Variants in HEATR5B observed in about 807,000 individuals in gnomAD.
HEATR5B encodes the protein HEAT repeat containing 5B.
A neutral mutation model predicts 224.1 loss-of-function variants in HEATR5B; 156 were observed. The observed-to-expected ratio is 0.70, with a 90% confidence interval of 0.61 to 0.80. The LOEUF is 0.80. HEATR5B is among the 30% of genes least tolerant of loss of function. The pLI is 0.00. For missense variants in HEATR5B, 2,323 were observed against 2,535.5 expected (o/e 0.92, Z 1.80); for synonymous variants, 1,027 against 893.0 (o/e 1.15, Z -2.68).
intron 20 of HEATR5B, 113 bp from the exon 21 acceptor site, chr2:37,038,137 G>GTT: frequency 1.3e-6 from 1 of 755,062 alleles, no homozygotes; most frequent in South Asian, 3.8e-5. Flanking sequence ...TATTATTCAG[G>GTT]TTTTTTTTGC....
chr2:36,986,649 G>A (rs1048044040), intron 35 of HEATR5B, among the ~76,000 whole-genome samples: 3 of 151,942 alleles, frequency 2.0e-5, no homozygotes, highest in Non-Finnish European at 2.9e-5. Flanking sequence ...ATGGAGTCTC[G>A]CTCTGTCACC....
chr2:37,080,042 A>G (rs1672459539), intron 2 of HEATR5B, among the ~76,000 whole-genome samples: 1 of 152,210 alleles, frequency 6.6e-6, no homozygotes, highest in Admixed American at 6.5e-5. Context: ...TGAGCCATGC[A>G]GATACCCAGG....
Position 37,019,831 on chromosome 2 carries a change from T to C in HEATR5B, c.4082A>G (p.Asp1361Gly). 2 of 1,610,166 alleles carry C rather than the reference T, an allele frequency of 1.2e-6. No homozygotes were observed. The highest frequency in any genetic ancestry group is 1.7e-6 in the Non-Finnish European group (2 of 1,177,630). ...RPAFSQDTPS[D>G]IIAKACQVCS... ...TACCTGGCAAGCTTTCGCTATTATA[T>C]CTGATGGTGTATCTTGTGAAAAGGC... Residue 1361 changes from aspartate to glycine, a missense_variant, in exon 26 of 36, where the codon GAT (aspartate) becomes GGT (glycine). Physicochemically the swap from Asp to Gly is moderately conservative, Grantham distance 94. Coordinates refer to ENST00000233099, the MANE Select transcript of HEATR5B (RefSeq NM_019024.3).
chr2:37,043,585 C>G (rs1357115260), intron 18 of HEATR5B, among the ~76,000 whole-genome samples: 2 of 148,850 alleles, frequency 1.3e-5, no homozygotes, highest in Non-Finnish European at 3.0e-5. Flanking sequence ...CTTCTTATGA[C>G]TTTTTTGTTG....
intron 18 of HEATR5B, 85 bp downstream of exon 18, chr2:37,049,568 G>C: frequency 8.3e-7 from 1 of 1,207,378 alleles, no homozygotes; most frequent in Non-Finnish European, 1.2e-6. Flanking sequence ...TGTATACCAT[G>C]TGGAAAACAT....
At chr2:37,067,494 C>T (rs572581519) in intron 8 of HEATR5B, among the ~76,000 whole-genome samples, 2 of 152,290 alleles carry the variant, frequency 1.3e-5, no homozygotes, top group African/African-American at 4.8e-5. Flanking sequence ...ACTGGCTGGG[C>T]GTGGTGGCTC....
rs138846073 is a variant in HEATR5B at position 37,019,090 on chromosome 2, G to A, written c.4104+719C>T. Among the ~76,000 whole-genome samples the A allele has an allele frequency of 7.5e-3, 1,145 of 152,060 alleles. 4 individuals are homozygous for A. The highest frequency in any genetic ancestry group is 0.02 in the South Asian group (94 of 4,814). On this transcript the variant is annotated intron_variant, in intron 26 of 35. Coordinates refer to ENST00000233099, the MANE Select transcript of HEATR5B (RefSeq NM_019024.3). ...GAAGAATTGCTTGAACCCGGGAGGC[G>A]GAGGTTACAGTGAGCAGAGATCGCA...
intron 21 of HEATR5B, among the ~76,000 whole-genome samples, chr2:37,035,593 C>T (rs913617094): frequency 6.6e-6 from 1 of 152,178 alleles, no homozygotes; most frequent in Non-Finnish European, 1.5e-5. Flanking sequence ...AAACACCACT[C>T]TTCTACTCCA....
At position 36,984,215 on chromosome 2, in the gene HEATR5B, A is replaced by AATATATATATATAT. The variant is rs60636196; in HGVS notation, c.5912-2435_5912-2422dup. 4.0e-4 allele frequency among the ~76,000 whole-genome samples: 31 copies of AATATATATATATAT among 77,472 alleles called. No individual in the cohort carries two copies. In the East Asian group the frequency reaches 4.4e-3, roughly 11 times the overall value. 50.8% of individuals were successfully genotyped at this position (77,472 alleles called of 152,430 possible). On this transcript the variant is annotated intron_variant, in intron 35 of 35. Transcript: ENST00000233099. ...AACTCTGTCTCAAAAAAAAAAAAAA[A>AATATATATATATAT]ATATATATATATATATATATATAAA...
Position 36,990,656 on chromosome 2 carries a change from C to A in HEATR5B, c.5689G>T (p.Asp1897Tyr). 2 of 1,584,212 alleles carry A rather than the reference C, an allele frequency of 1.3e-6. No individual in the cohort carries two copies. The highest frequency in any genetic ancestry group is 1.7e-6 in the Non-Finnish European group (2 of 1,164,288). The change falls in exon 34 of 36, where the codon GAC becomes TAC. Residue 1897 changes from aspartate (D) to tyrosine (Y), a missense_variant. Asp to Tyr is a radical substitution (Grantham distance 160, BLOSUM62 -3). Transcript: ENST00000233099. The stretch of plus-strand genomic sequence containing the variant: ...TGTAACGTGTAACTTACCCATGGGT[C>A]GCATGAATTTAATGCATTTTTAAAT... The part of the protein sequence containing the change: ...NRFKNALNSC[D>Y]PWVQAKCYQL...
chr2:37,070,092 G>A (rs1671817160), intron 7 of HEATR5B, 138 bp downstream of exon 7: 1 of 736,454 alleles, frequency 1.4e-6, no homozygotes, highest in Non-Finnish European at 2.3e-6. Context: ...TAGACATGGG[G>A]TTTCACCATG....
intron 24 of HEATR5B, among the ~76,000 whole-genome samples, chr2:37,021,343 A>C (rs1164866975): frequency 6.6e-6 from 1 of 152,226 alleles, no homozygotes; most frequent in Non-Finnish European, 1.5e-5. Flanking sequence ...CAATGATAGA[A>C]GGCCAAAAAT....
chr2:37,025,604 A>T (rs182246762), intron 24 of HEATR5B, among the ~76,000 whole-genome samples: 8 of 152,132 alleles, frequency 5.3e-5, no homozygotes, highest in Non-Finnish European at 8.8e-5. Flanking sequence ...CAGGAAAATT[A>T]AAAAAAATTA....
intron 33 of HEATR5B, among the ~76,000 whole-genome samples, chr2:36,994,687 A>G (rs1207970612): frequency 2.0e-5 from 3 of 152,198 alleles, no homozygotes; most frequent in Non-Finnish European, 2.9e-5. Flanking sequence ...CTTAATGAAC[A>G]ATTTCAAAAA....
chr2:37,040,444 T>A lies in HEATR5B; in HGVS notation c.2931A>T (p.Thr977=). The A allele has an allele frequency of 6.2e-7, 1 of 1,614,048 alleles. No individual in the cohort carries two copies. The highest frequency in any genetic ancestry group is 1.7e-5 in the Admixed American group (1 of 60,014). Residue 977 remains threonine, a synonymous_variant, in exon 20 of 36, where the codon ACA becomes ACT. Transcript: ENST00000233099. The part of the protein sequence containing the change: ...GPMYRGYVEP[T]LSLVLTLLLT... Reference sequence around the variant, plus strand: ...ACAGCAAGGTAAGAACTAGAGATAATGTTGGTTCCACATAGCCACGATACA... The same window carrying A: ...ACAGCAAGGTAAGAACTAGAGATAAAGTTGGTTCCACATAGCCACGATACA...
intron 35 of HEATR5B, among the ~76,000 whole-genome samples, chr2:36,984,432 C>T (rs1301818155): frequency 2.0e-5 from 3 of 151,006 alleles, no homozygotes; most frequent in African/African-American, 4.9e-5. Context: ...TAGAATTCAC[C>T]AAGAGAATCA....
In HEATR5B at chr2:36,985,368, A is replaced by G. The variant is rs367815186; in HGVS notation, c.5911+3278T>C. On this transcript the variant is annotated intron_variant, in intron 35 of 35. Coordinates refer to ENST00000233099, the MANE Select transcript of HEATR5B (RefSeq NM_019024.3). ...GGCAAACTGCTTATTCTACCTCTTA[A>G]AAGTCTTGTTAGAGTACAAAACATC... Among the ~76,000 whole-genome samples the G allele has an allele frequency of 5.7e-4, 87 of 152,252 alleles. 1 individual carries two copies. Among genetic ancestry groups the G allele is most frequent in the South Asian group, 2.5e-3 (12 of 4,820 alleles).
chr2:37,008,013 C>G (rs370584230), intron 28 of HEATR5B, among the ~76,000 whole-genome samples: 25 of 152,246 alleles, frequency 1.6e-4, no homozygotes, highest in Middle Eastern at 3.4e-3. Context: ...GTTGTTTCCT[C>G]TACTAACACT....
chr2:36,990,730 C>G lies in HEATR5B; in HGVS notation c.5615G>C (p.Ser1872Thr). Residue 1872 changes from serine to threonine, a missense_variant, in exon 34 of 36, where the codon AGT becomes ACT. Physicochemically the swap from Ser to Thr is moderately conservative, Grantham distance 58. Around this residue, in one of 12 missense-constraint regions of HEATR5B, gnomAD observed 844 missense variants for 812.9 expected, o/e 1.04. Transcript: ENST00000233099. ...TAIALFLWSA[S>T]NEIIGVQSLQ... Reference sequence around the variant, plus strand: ...TGACTGGACTCCTATTATTTCATTACTAGCAGACCACAGGAAGAGTGCAAT... The same window carrying G: ...TGACTGGACTCCTATTATTTCATTAGTAGCAGACCACAGGAAGAGTGCAAT... 6.2e-7 allele frequency: 1 copy of G among 1,612,090 alleles called. No individual in the cohort carries two copies. The highest frequency in any genetic ancestry group is 8.5e-7 in the Non-Finnish European group (1 of 1,178,640).
Sources: allele counts gnomAD v4.1 joint callset (sites outside exome capture counted in the v4.1 genomes callset), GRCh38; gene constraint gnomAD v4.1.1; regional missense constraint gnomAD v4.1.1; transcripts MANE v1.5; gene names NCBI Gene and HGNC (gene_info 2026-07-23, HGNC 2026-07-21).